The following SRPK1 variants were observed in gnomAD, a reference collection of about 807,000 sequenced individuals.
The protein encoded by SRPK1 is SRSF protein kinase 1, also known as SFRS protein kinase 1.
A neutral mutation model predicts 89.5 loss-of-function variants in SRPK1; 52 were observed. That is an observed-to-expected ratio of 0.58 (90% confidence interval 0.46 to 0.73). The LOEUF (loss-of-function observed/expected upper bound fraction) is 0.73. Ranked by LOEUF, SRPK1 falls within the 30% of genes least tolerant of loss-of-function variation. The probability of loss-of-function intolerance (pLI) is 0.00; values close to 1 mark genes in which losing one functional copy is unlikely to be tolerated. For synonymous variants in SRPK1, 255 were observed against 270.2 expected, an observed-to-expected ratio of 0.94 and a Z score of 0.55; for missense variants, 603 against 780.6, an observed-to-expected ratio of 0.77 and a Z score of 2.71.
At chr6:35,850,516 G>A (rs144743909) in intron 13 of SRPK1, among the ~76,000 whole-genome samples, 158 of 152,266 alleles carry the variant, frequency 1.0e-3, no homozygotes, top group African/African-American at 3.6e-3. Context: ...TAGCTTTTTT[G>A]TTGTTACTAA....
intron 13 of SRPK1, among the ~76,000 whole-genome samples, chr6:35,850,621 T>C (rs2151081946): frequency 6.6e-6 from 1 of 152,336 alleles, no homozygotes. Context: ...TAAATGGTTC[T>C]ATATCAAAGA....
intron 2 of SRPK1, among the ~76,000 whole-genome samples, chr6:35,909,084 C>T (rs952881126): frequency 1.3e-5 from 2 of 152,226 alleles, no homozygotes; most frequent in Non-Finnish European, 1.5e-5. Context: ...GGGGCACTGC[C>T]TAGTGGAGCT....
At chr6:35,897,494 T>C (rs890047877) in intron 2 of SRPK1, among the ~76,000 whole-genome samples, 1 of 152,204 alleles carries the variant, frequency 6.6e-6, no homozygotes, top group Non-Finnish European at 1.5e-5. Context: ...GAGGACTATG[T>C]AGCAGTTATT....
intron 13 of SRPK1, among the ~76,000 whole-genome samples, chr6:35,856,484 G>A (rs995412714): frequency 2.0e-5 from 3 of 152,170 alleles, no homozygotes; most frequent in Non-Finnish European, 4.4e-5. Context: ...AATCTTGTGA[G>A]GAACCATGCT....
chr6:35,872,482 T>C (rs888574620), intron 8 of SRPK1, 81 bp downstream of exon 8: 8 of 1,315,804 alleles, frequency 6.1e-6, no homozygotes, highest in South Asian at 1.7e-5. Flanking sequence ...TTGAGTGGTG[T>C]TTAATTCCCT....
At chr6:35,843,555 A>C (rs1039594747) in intron 13 of SRPK1, among the ~76,000 whole-genome samples, 7 of 151,652 alleles carry the variant, frequency 4.6e-5, no homozygotes, top group African/African-American at 1.5e-4. Context: ...GGTTCAAGTG[A>C]TTCTCCTGCC....
At chr6:35,904,465 A>G (rs1166201418) in intron 2 of SRPK1, among the ~76,000 whole-genome samples, 3 of 152,214 alleles carry the variant, frequency 2.0e-5, no homozygotes, top group Non-Finnish European at 4.4e-5. Flanking sequence ...ACAGGCTGCA[A>G]GCTGAATCCT....
In SRPK1 at chr6:35,883,350, T is replaced by C. The variant is rs368877592; in HGVS notation, c.478+3374A>G. ...GTTGCAGTGAGCCGAGATTGCGCCA[T>C]TGCACTCCAGCCTGGCCAACAAGAA... On this transcript the variant is annotated intron_variant, in intron 6 of 15. Transcript: ENST00000373825. Among the ~76,000 whole-genome samples the C allele has an allele frequency of 5.9e-5, 9 of 151,988 alleles. No individual in the cohort carries two copies. The East Asian group carries it at 1.4e-3, about 23-fold the overall frequency.
At chr6:35,909,735 G>A (rs905334306) in intron 2 of SRPK1, among the ~76,000 whole-genome samples, 3 of 152,264 alleles carry the variant, frequency 2.0e-5, no homozygotes, top group East Asian at 1.9e-4. Context: ...TAGTTCTCAC[G>A]AGACCTGATG....
At chr6:35,838,198 T>G in intron 15 of SRPK1, 139 bp downstream of exon 15, 1 of 634,068 alleles carries the variant, frequency 1.6e-6, no homozygotes, top group Non-Finnish European at 2.5e-6. Flanking sequence ...TTTTTTTACC[T>G]CTTTTTTATC....
intron 12 of SRPK1, among the ~76,000 whole-genome samples, chr6:35,865,125 G>T (rs928622896): frequency 2.0e-5 from 3 of 152,046 alleles, no homozygotes; most frequent in African/African-American, 7.2e-5. Flanking sequence ...CTCTTTCATA[G>T]CACAACAGGG....
intron 2 of SRPK1, among the ~76,000 whole-genome samples, chr6:35,897,257 T>A (rs1770644659): frequency 6.6e-6 from 1 of 152,210 alleles, no homozygotes; most frequent in Non-Finnish European, 1.5e-5. Flanking sequence ...ATATAGTGCT[T>A]TATTGAGAGG....
intron 14 of SRPK1, among the ~76,000 whole-genome samples, chr6:35,839,841 A>G (rs1182553160): frequency 6.6e-6 from 1 of 151,904 alleles, no homozygotes; most frequent in Non-Finnish European, 1.5e-5. Context: ...CACCAGGTCC[A>G]GCTAATTTTT....
At chr6:35,889,729 A>G (rs539246607) in intron 3 of SRPK1, among the ~76,000 whole-genome samples, 7 of 151,560 alleles carry the variant, frequency 4.6e-5, no homozygotes, top group Admixed American at 4.6e-4. Flanking sequence ...GGTTGCAGTG[A>G]GCTGAGATTG....
intron 2 of SRPK1, chr6:35,905,043 A>G: frequency 2.5e-6 from 1 of 392,392 alleles, no homozygotes; most frequent in South Asian, 1.8e-5. Context: ...GCTACTCCAG[A>G]GGCTGAGGCA....
At chr6:35,851,358 G>C (rs1769552070) in intron 13 of SRPK1, among the ~76,000 whole-genome samples, 2 of 151,900 alleles carry the variant, frequency 1.3e-5, no homozygotes, top group South Asian at 2.1e-4. Context: ...ATTTTTGGTA[G>C]AGACAGGGTT....
At chr6:35,884,508 G>A (rs1770363060) in intron 6 of SRPK1, among the ~76,000 whole-genome samples, 1 of 152,160 alleles carries the variant, frequency 6.6e-6, no homozygotes, top group East Asian at 1.9e-4. Context: ...AGTGACATGA[G>A]CCATTACTAA....
In SRPK1 at chr6:35,869,576, T is replaced by A. The variant is rs780594079; in HGVS notation, c.1317A>T (p.Glu439Asp). 2 of 1,614,012 alleles carry A rather than the reference T, an allele frequency of 1.2e-6. No individual in the cohort carries two copies. Among genetic ancestry groups the A allele is most frequent in the Admixed American group, 3.3e-5 (2 of 60,022 alleles). Reference protein sequence around the residue: ...SSSTVGQSFSEQHISQLQESI... With the variant: ...SSSTVGQSFSDQHISQLQESI... ...TTTCTTGAAGTTGGCTAATGTGTTG[T>A]TCACTGAATGACTGACCTACAGTTG... The change falls in exon 11 of 16, where the codon GAA becomes GAT. Residue 439 changes from glutamate to aspartate, a missense_variant. Coordinates refer to ENST00000373825, the MANE Select transcript of SRPK1 (RefSeq NM_003137.5).
At chr6:35,902,271 G>C (rs1437170473) in intron 2 of SRPK1, among the ~76,000 whole-genome samples, 1 of 150,710 alleles carries the variant, frequency 6.6e-6, no homozygotes, top group African/African-American at 2.4e-5. Context: ...AGATTAGCCA[G>C]TCTTGGTGGC....
Sources: gnomAD v4.1 joint callset for allele counts (sites outside exome capture counted in the v4.1 genomes callset) on GRCh38, gnomAD v4.1.1 for gene constraint, MANE v1.5 for transcripts, NCBI Gene and HGNC (gene_info 2026-07-23, HGNC 2026-07-21) for gene names.